KHDRBS2: variants seen among roughly 807,000 people sequenced by gnomAD.
KHDRBS2 encodes the protein KH RNA binding domain containing, signal transduction associated 2.
KHDRBS2 carries 26 observed loss-of-function variants against 44.3 expected under a neutral mutation model. The observed-to-expected ratio is 0.59, with a 90% CI of 0.43 to 0.81. The LOEUF (loss-of-function observed/expected upper bound fraction) is 0.81. KHDRBS2 is among the 40% of genes least tolerant of loss of function. The pLI is 0.00. For missense variants in KHDRBS2, 476 were observed against 433.1 expected (o/e 1.10, Z -0.88); for synonymous variants, 194 against 151.1 (o/e 1.28, Z -2.08).
the KHDRBS2 span, among the ~76,000 whole-genome samples, chr6:61,560,581 A>T: frequency 6.6e-6 from 1 of 152,000 alleles, no homozygotes; most frequent in Non-Finnish European, 1.5e-5. Flanking sequence ...TTTTTAATTC[A>T]TTCTGCTGTT....
intron 4 of KHDRBS2, among the ~76,000 whole-genome samples, chr6:61,954,922 G>GTATATATACACATACATATGTGTGCA (rs770349246): frequency 1.4e-4 from 3 of 21,502 alleles, no homozygotes; most frequent in Non-Finnish European, 2.8e-4. Context: ...ACATATATAT[G>GTATATATACACATACATATGTGTGCA]TATACACATA....
At chr6:61,732,654 A>T in intron 7 of KHDRBS2, 28 bp downstream of exon 7, 1 of 1,312,468 alleles carries the variant, frequency 7.6e-7, no homozygotes, top group South Asian at 1.2e-5. Context: ...AATCCTGAGA[A>T]GGCTGCTTTA....
At chr6:61,576,579 G>T in the KHDRBS2 span, among the ~76,000 whole-genome samples, 2 of 152,056 alleles carry the variant, frequency 1.3e-5, no homozygotes, top group South Asian at 2.1e-4. Flanking sequence ...GTAATTAAAA[G>T]ATGTTTTGTT....
chr6:61,779,476 A>G (rs1782599809), intron 6 of KHDRBS2, among the ~76,000 whole-genome samples: 1 of 152,194 alleles, frequency 6.6e-6, no homozygotes, highest in Admixed American at 6.6e-5. Flanking sequence ...TAACATCACA[A>G]GAAGAAAAAA....
the KHDRBS2 span, among the ~76,000 whole-genome samples, chr6:61,555,925 C>T: frequency 6.6e-6 from 1 of 152,182 alleles, no homozygotes; most frequent in Non-Finnish European, 1.5e-5. Context: ...GATCACTCGC[C>T]ACAACACTCT....
At chr6:61,672,237 G>C in the KHDRBS2 span, among the ~76,000 whole-genome samples, 4 of 151,354 alleles carry the variant, frequency 2.6e-5, no homozygotes, top group African/African-American at 9.7e-5. Context: ...TCTTAATCCA[G>C]TCTATCATTG....
intron 1 of KHDRBS2, among the ~76,000 whole-genome samples, chr6:62,230,771 A>T (rs1832770441): frequency 6.6e-6 from 1 of 152,228 alleles, no homozygotes; most frequent in African/African-American, 2.4e-5. Context: ...TTTCAGCTTG[A>T]TTAAATCAGA....
At chr6:61,937,040 C>T (rs1446169857) in intron 4 of KHDRBS2, among the ~76,000 whole-genome samples, 1 of 151,796 alleles carries the variant, frequency 6.6e-6, no homozygotes, top group East Asian at 1.9e-4. Context: ...TTTCTTGATT[C>T]TCTCCCTGAC....
chr6:61,782,738 T>TATATATATATATACAC (rs1554206170), intron 6 of KHDRBS2, among the ~76,000 whole-genome samples: 1 of 117,880 alleles, frequency 8.5e-6, no homozygotes, highest in Non-Finnish European at 1.8e-5. Flanking sequence ...TATATATATA[T>TATATATATATATACAC]ACACACACAC....
At chr6:61,877,792 T>C (rs909734254) in intron 6 of KHDRBS2, among the ~76,000 whole-genome samples, 3 of 151,972 alleles carry the variant, frequency 2.0e-5, no homozygotes, top group African/African-American at 4.8e-5. Context: ...AGTCATTACA[T>C]GATTATCTTA....
intron 1 of KHDRBS2, among the ~76,000 whole-genome samples, chr6:62,222,266 G>T (rs541381577): frequency 6.6e-6 from 1 of 151,090 alleles, no homozygotes; most frequent in Non-Finnish European, 1.5e-5. Context: ...GAGAGTGGGG[G>T]TCTTGGGGAG....
At chr6:61,842,975 T>C (rs1793814830) in intron 6 of KHDRBS2, among the ~76,000 whole-genome samples, 2 of 134,362 alleles carry the variant, frequency 1.5e-5, no homozygotes, top group African/African-American at 5.0e-5. Context: ...ATTACAGATA[T>C]ACCACATTTT....
At chr6:61,983,244 T>TTCTCTCTTTCTTTCTTTCTTTC (rs1583957414) in intron 3 of KHDRBS2, among the ~76,000 whole-genome samples, 2 of 38,022 alleles carry the variant, frequency 5.3e-5, no homozygotes, top group African/African-American at 7.6e-5. Flanking sequence ...TTCTTTTTTT[T>TTCTCTCTTTCTTTCTTTCTTTC]TTTTTTTTTT....
intron 3 of KHDRBS2, among the ~76,000 whole-genome samples, chr6:61,998,362 C>T (rs1421728824): frequency 1.3e-5 from 2 of 152,078 alleles, no homozygotes; most frequent in African/African-American, 4.8e-5. Flanking sequence ...TTCTTACACT[C>T]CTGAAAAATT....
chr6:61,785,292 G>A (rs1238199748), intron 6 of KHDRBS2, among the ~76,000 whole-genome samples: 2 of 151,708 alleles, frequency 1.3e-5, no homozygotes, highest in Non-Finnish European at 1.5e-5. Flanking sequence ...CACTTTTTTG[G>A]CCTCTCATCT....
intron 6 of KHDRBS2, among the ~76,000 whole-genome samples, chr6:61,744,251 C>T (rs554358543): frequency 2.6e-5 from 4 of 152,100 alleles, no homozygotes; most frequent in African/African-American, 9.6e-5. Flanking sequence ...AAAAGCCAGG[C>T]CTTCATATTG....
At chr6:61,585,976 T>C in the KHDRBS2 span, among the ~76,000 whole-genome samples, 1 of 152,136 alleles carries the variant, frequency 6.6e-6, no homozygotes, top group South Asian at 2.1e-4. Flanking sequence ...TGAGAGCTAT[T>C]GGTAGCCTTC....
chr6:61,786,850 T>A (rs1172481389), intron 6 of KHDRBS2, among the ~76,000 whole-genome samples: 10 of 151,828 alleles, frequency 6.6e-5, no homozygotes, highest in Non-Finnish European at 1.2e-4. Context: ...GAATATGTGC[T>A]TTGTCATAGA....
At chr6:61,543,595 T>C in the KHDRBS2 span, among the ~76,000 whole-genome samples, 3 of 152,022 alleles carry the variant, frequency 2.0e-5, no homozygotes, top group Non-Finnish European at 4.4e-5. Flanking sequence ...CCAATCCCAC[T>C]GCTAGATATA....
Sources: allele counts gnomAD v4.1 joint callset (sites outside exome capture counted in the v4.1 genomes callset), GRCh38; gene constraint gnomAD v4.1.1; transcripts MANE v1.5; gene names NCBI Gene and HGNC (gene_info 2026-07-23, HGNC 2026-07-21).